The following PDE10A variants were observed in gnomAD, a reference collection of about 807,000 sequenced individuals.
The protein encoded by PDE10A is phosphodiesterase 10A.
A neutral mutation model predicts 97.7 loss-of-function variants in PDE10A; 39 were observed. The observed-to-expected ratio is 0.40, with a 90% CI of 0.31 to 0.52. The LOEUF is 0.52. PDE10A is among the 20% of genes least tolerant of loss of function. PDE10A has a pLI of 0.56. For missense variants in PDE10A, 731 were observed against 1,047.8 expected, an observed-to-expected ratio of 0.70 and a Z score of 4.17; for synonymous variants, 371 against 376.8, an observed-to-expected ratio of 0.98 and a Z score of 0.18.
chr6:165,619,852 G>A (rs565007392), intron 1 of PDE10A, among the ~76,000 whole-genome samples: 12 of 152,142 alleles, frequency 7.9e-5, no homozygotes, highest in Admixed American at 3.3e-4. Flanking sequence ...ATAGAGCACC[G>A]GGGACAAGCT....
chr6:165,640,693 A>T (rs1260111346), intron 1 of PDE10A, among the ~76,000 whole-genome samples: 1 of 152,270 alleles, frequency 6.6e-6, no homozygotes, highest in Non-Finnish European at 1.5e-5. Flanking sequence ...ATTTCAAATG[A>T]AGTCTGATAA....
chr6:165,806,147 GT>G (rs963940721), intron 1 of PDE10A, among the ~76,000 whole-genome samples: 2 of 147,004 alleles, frequency 1.4e-5, no homozygotes, highest in African/African-American at 5.0e-5. Context: ...TACTCAGGCA[GT>G]TTTCTAAACC....
At position 165,794,347 on chromosome 6, in the gene PDE10A, TCA is replaced by T. The variant is rs370272481; in HGVS notation, c.-615+193180_-615+193181del. ...ATCACACACTCATAAACACCCAGAC[TCA>T]CACAGATGCTCACACACACTCATAC... On this transcript the variant is annotated intron_variant, in intron 1 of 19. Coordinates refer to the PDE10A transcript ENST00000366882. Among the ~76,000 whole-genome samples the T allele has an allele frequency of 1.6e-3, 242 of 149,178 alleles. 3 individuals are homozygous for T. The highest frequency in any genetic ancestry group is 5.8e-3 in the African/African-American group (232 of 40,288).
intron 18 of PDE10A, among the ~76,000 whole-genome samples, chr6:165,378,341 CAGTA>C (rs1784740376): frequency 6.6e-6 from 1 of 152,158 alleles, no homozygotes; most frequent in South Asian, 2.1e-4. Context: ...GGCAAAGAAG[CAGTA>C]AGTAAGTGCT....
chr6:165,761,896 A>T (rs1476608447), intron 1 of PDE10A, among the ~76,000 whole-genome samples: 1 of 152,240 alleles, frequency 6.6e-6, no homozygotes, highest in Non-Finnish European at 1.5e-5. Flanking sequence ...CTCTGTAATT[A>T]TCCTTAATGG....
At chr6:165,555,254 C>T (rs1784196200) in intron 1 of PDE10A, among the ~76,000 whole-genome samples, 1 of 152,094 alleles carries the variant, frequency 6.6e-6, no homozygotes, top group South Asian at 2.1e-4. Context: ...CATTGCATGC[C>T]TGTATCAAAA....
Position 165,662,104 on chromosome 6 carries a change from G to T in PDE10A, c.708C>A (p.Ala236=). The T allele has an allele frequency of 9.1e-7, 1 of 1,095,888 alleles. No homozygotes were observed. 67.9% of individuals were successfully genotyped at this position (1,095,888 alleles called of 1,614,324 possible). A position where few individuals can be genotyped will look rare whatever the true frequency, so the allele number is the denominator to read the frequency against. Residue 236 remains alanine, a synonymous_variant, in exon 1 of 22, where the codon GCC becomes GCA. Transcript: ENST00000539869. ...GAGTTTGGCCGCCGCCGCCTGGGCCGGCGCCGGGGAAGCCGGGGGAGCCCG... is the reference window on the plus strand; with the variant it reads ...GAGTTTGGCCGCCGCCGCCTGGGCCTGCGCCGGGGAAGCCGGGGGAGCCCG... The part of the protein sequence containing the change: ...RRAGSPGFPG[A]GPGGGGQTPR...
intron 1 of PDE10A, among the ~76,000 whole-genome samples, chr6:165,901,808 A>G (rs1470263833): frequency 2.6e-5 from 4 of 152,122 alleles, no homozygotes; most frequent in African/African-American, 9.7e-5. Context: ...CTCAAAAAAA[A>G]AAAGAAAAGA....
chr6:165,884,811 G>A (rs1334514116), intron 1 of PDE10A, among the ~76,000 whole-genome samples: 2 of 152,164 alleles, frequency 1.3e-5, no homozygotes, highest in African/African-American at 2.4e-5. Flanking sequence ...CAATGAGCGA[G>A]GCTTTGTTTA....
At chr6:165,966,382 G>A (rs1583364651) in intron 1 of PDE10A, among the ~76,000 whole-genome samples, 2 of 152,186 alleles carry the variant, frequency 1.3e-5, no homozygotes, top group South Asian at 4.1e-4. Flanking sequence ...TTTTTGCATT[G>A]CATTTTGTCT....
At chr6:165,853,017 G>A (rs1441332671) in intron 1 of PDE10A, among the ~76,000 whole-genome samples, 1 of 152,224 alleles carries the variant, frequency 6.6e-6, no homozygotes, top group African/African-American at 2.4e-5. Context: ...CATGTTTTGT[G>A]TTTGCATGTG....
Position 165,350,294 on chromosome 6 carries a change from T to G in PDE10A, c.2784-6792A>C, listed in dbSNP as rs542345920. 3.3e-5 allele frequency among the ~76,000 whole-genome samples: 5 copies of G among 152,312 alleles called. No homozygotes were observed. In the East Asian group the frequency reaches 7.7e-4, roughly 24 times the overall value. ...CTGGATGTGAGACATGGAGTTGAAG[T>G]ATATCATTTTGGAACTTTAAGGTTT... On this transcript the variant is annotated intron_variant, in intron 18 of 21. Transcript: ENST00000539869.
chr6:165,416,662 T>C (rs574852820), intron 11 of PDE10A, among the ~76,000 whole-genome samples: 23 of 152,162 alleles, frequency 1.5e-4, no homozygotes, highest in Non-Finnish European at 3.4e-4. Flanking sequence ...GGTTCAGTAA[T>C]TTGCCAACAT....
At chr6:165,772,007 A>G (rs755243719) in intron 1 of PDE10A, among the ~76,000 whole-genome samples, 106 of 152,330 alleles carry the variant, frequency 7.0e-4, no homozygotes, top group Non-Finnish European at 9.6e-4. Flanking sequence ...CCCCACCTGA[A>G]GGTCAGTCTT....
chr6:165,393,364 T>A (rs1327125468), intron 15 of PDE10A, among the ~76,000 whole-genome samples: 1 of 151,624 alleles, frequency 6.6e-6, no homozygotes, highest in Admixed American at 6.6e-5. Context: ...AATAATATGA[T>A]GTATATTTTA....
intron 1 of PDE10A, among the ~76,000 whole-genome samples, chr6:165,689,856 AC>A: frequency 6.6e-6 from 1 of 152,116 alleles, no homozygotes; most frequent in African/African-American, 2.4e-5. Flanking sequence ...GAAGATACAG[AC>A]TCAGAGAATG....
intron 1 of PDE10A, among the ~76,000 whole-genome samples, chr6:165,591,491 A>G (rs1403975651): frequency 2.0e-5 from 3 of 152,170 alleles, no homozygotes; most frequent in African/African-American, 7.2e-5. Flanking sequence ...CTTCCCTTCA[A>G]AACCCAAGTC....
intron 1 of PDE10A, among the ~76,000 whole-genome samples, chr6:165,831,268 A>G (rs1450265252): frequency 7.2e-6 from 1 of 138,350 alleles, no homozygotes; most frequent in African/African-American, 2.7e-5. Flanking sequence ...GCTACTTGGG[A>G]GGCTGAGGCA....
At chr6:165,692,874 C>T (rs560657152) in intron 1 of PDE10A, among the ~76,000 whole-genome samples, 2 of 152,204 alleles carry the variant, frequency 1.3e-5, no homozygotes, top group Non-Finnish European at 2.9e-5. Flanking sequence ...AAGCGGAATA[C>T]TGCACTTTAT....
Sources: allele counts gnomAD v4.1 joint callset (sites outside exome capture counted in the v4.1 genomes callset), GRCh38; gene constraint gnomAD v4.1.1; transcripts MANE v1.5; gene names NCBI Gene and HGNC (gene_info 2026-07-23, HGNC 2026-07-21).